The following HMMR variants were observed in gnomAD, a reference collection of about 807,000 sequenced individuals.
The protein encoded by HMMR is intracellular hyaluronic acid-binding protein.
A neutral mutation model predicts 101.0 loss-of-function variants in HMMR; 108 were observed. The ratio of observed to expected loss-of-function variants is 1.07; its 90% CI spans 0.92 to 1.25. The LOEUF (loss-of-function observed/expected upper bound fraction) is 1.25, where lower values mean the gene tolerates loss of function less well. Ranked by LOEUF, HMMR falls within the 50% of genes most tolerant of loss-of-function variation. The pLI, the probability that HMMR is intolerant of heterozygous loss-of-function variation, is 0.00. For synonymous variants in HMMR, 296 were observed against 276.4 expected (o/e 1.07, Z -0.70); for missense variants, 813 against 788.7 (o/e 1.03, Z -0.37).
intron 2 of HMMR, 145 bp from the exon 3 acceptor site, chr5:163,464,578 C>T: frequency 1.6e-6 from 1 of 608,058 alleles, no homozygotes; most frequent in Non-Finnish European, 2.9e-6. Flanking sequence ...GACACCACTG[C>T]AGTCCAGGCT....
At chr5:163,483,599 C>A (rs1283082111) in intron 15 of HMMR, among the ~76,000 whole-genome samples, 1 of 151,858 alleles carries the variant, frequency 6.6e-6, no homozygotes, top group African/African-American at 2.4e-5. Flanking sequence ...TTTCAATGGA[C>A]CCTTTGTGGT....
chr5:163,475,776 G>T, intron 11 of HMMR, 104 bp downstream of exon 11: 1 of 484,310 alleles, frequency 2.1e-6, no homozygotes, highest in South Asian at 4.4e-5. Context: ...TGTTAGGTTG[G>T]AATTATTTTA....
At chr5:163,460,793 CT>C in intron 1 of HMMR, 55 bp downstream of exon 1, 1 of 1,510,580 alleles carries the variant, frequency 6.6e-7, no homozygotes, top group Non-Finnish European at 9.1e-7. Flanking sequence ...CCCTTTGCCT[CT>C]TTCAGCTCCC....
At chr5:163,480,322 G>A (rs1264445768) in intron 12 of HMMR, among the ~76,000 whole-genome samples, 2 of 152,050 alleles carry the variant, frequency 1.3e-5, no homozygotes, top group Non-Finnish European at 1.5e-5. Flanking sequence ...TGTCATCATA[G>A]TATATGCCGT....
Position 163,460,748 on chromosome 5 carries a change from G to T in HMMR, c.46+10G>T. 1 of 1,605,872 alleles carries T rather than the reference G, an allele frequency of 6.2e-7. No homozygotes were observed. The highest frequency in any genetic ancestry group is 1.3e-5 in the African/African-American group (1 of 74,874). ...TTCAATGACCCTTCTGGTGCGTAAG[G>T]GGGAAAGAGCTGGGGGACGGGAGAC... On this transcript the variant is annotated intron_variant, in intron 1 of 17. Transcript: ENST00000393915.
chr5:163,479,162 T>C (rs1235209734), intron 12 of HMMR, among the ~76,000 whole-genome samples: 29 of 152,210 alleles, frequency 1.9e-4, no homozygotes, highest in Non-Finnish European at 1.5e-5. Flanking sequence ...GTTATCATTT[T>C]CATAAAGAAT....
Position 163,473,242 on chromosome 5 carries a change from C to A in HMMR, c.714C>A (p.Ile238=), listed in dbSNP as rs373002206. ...AAACAGAAAAACTCTTGGAATACATCGAAGAAATTAGGTAATATGAGCAGT... is the reference window on the plus strand; with the variant it reads ...AAACAGAAAAACTCTTGGAATACATAGAAGAAATTAGGTAATATGAGCAGT... ...KSETEKLLEY[I]EEISCASDQV... Residue 238 remains isoleucine, a synonymous_variant, in exon 8 of 18, where the codon ATC becomes ATA. Transcript: ENST00000393915. 6.4e-6 allele frequency: 10 copies of A among 1,566,652 alleles called. No individual in the cohort carries two copies. Among genetic ancestry groups the A allele is most frequent in the Non-Finnish European group, 8.8e-6 (10 of 1,140,362 alleles).
chr5:163,470,360 A>T (rs117962269), intron 5 of HMMR, among the ~76,000 whole-genome samples: 5,756 of 152,202 alleles, frequency 0.038, 135 homozygotes, highest in Non-Finnish European at 0.05. Context: ...AGTGGCTCAC[A>T]CCTGTAATTC....
At chr5:163,470,185 A>C (rs1011883651) in intron 5 of HMMR, among the ~76,000 whole-genome samples, 2 of 152,032 alleles carry the variant, frequency 1.3e-5, no homozygotes, top group African/African-American at 2.4e-5. Flanking sequence ...AAAACAAAAC[A>C]AAACAACATA....
chr5:163,467,544 T>C (rs1206427858), intron 3 of HMMR, among the ~76,000 whole-genome samples, 157 bp from the exon 4 acceptor site: 2 of 152,238 alleles, frequency 1.3e-5, no homozygotes, highest in South Asian at 2.1e-4. Flanking sequence ...ATTTTATTTA[T>C]CAGATGAGTG....
At chr5:163,460,852 A>C (rs182600074) in intron 1 of HMMR, 114 bp downstream of exon 1, 2 of 837,386 alleles carry the variant, frequency 2.4e-6, no homozygotes, top group East Asian at 2.6e-5. Context: ...GCTGGGGCTC[A>C]TTCAGTTGAT....
At chr5:163,460,801 T>C in intron 1 of HMMR, 63 bp downstream of exon 1, 1 of 1,483,256 alleles carries the variant, frequency 6.7e-7, no homozygotes, top group East Asian at 2.4e-5. Flanking sequence ...CTCTTTCAGC[T>C]CCCTTCTTGG....
At chr5:163,463,401 G>A (rs1437541013) in intron 1 of HMMR, among the ~76,000 whole-genome samples, 1 of 152,174 alleles carries the variant, frequency 6.6e-6, no homozygotes, top group African/African-American at 2.4e-5. Flanking sequence ...TAGGTCTGAT[G>A]TATTGATATT....
rs1481560306 is a variant in HMMR at position 163,473,449 on chromosome 5, A to G, written c.796A>G (p.Asn266Asp). 2 of 1,609,132 alleles carry G rather than the reference A, an allele frequency of 1.2e-6. No homozygotes were observed. Among genetic ancestry groups the G allele is most frequent in the East Asian group, 2.2e-5 (1 of 44,684 alleles). ...GTTAGAAGAAAATTTGAAAGAGAAG[A>G]ATGATGAAATTTTAAGCCTTAAGCA... ...AQLEENLKEK[N>D]DEILSLKQSL... The change falls in exon 9 of 18, where the codon AAT becomes GAT. Residue 266 changes from asparagine (N) to aspartate (D), a missense_variant. Physicochemically the swap from Asn to Asp is conservative, Grantham distance 23. Transcript: ENST00000393915.
At chr5:163,470,680 A>G (rs1222152130) in intron 5 of HMMR, among the ~76,000 whole-genome samples, 2 of 152,168 alleles carry the variant, frequency 1.3e-5, no homozygotes, top group African/African-American at 2.4e-5. Context: ...AGCAAGTCAC[A>G]TTAAGGAAAA....
intron 12 of HMMR, among the ~76,000 whole-genome samples, chr5:163,480,315 C>A (rs1242019774): frequency 6.6e-6 from 1 of 152,124 alleles, no homozygotes; most frequent in Non-Finnish European, 1.5e-5. Context: ...CAAAAAATGT[C>A]ATCATAGTAT....
intron 10 of HMMR, 140 bp from the exon 11 acceptor site, chr5:163,475,318 C>T (rs1232917014): frequency 1.5e-5 from 7 of 477,686 alleles, no homozygotes; most frequent in Non-Finnish European, 2.6e-5. Context: ...AACAAATATG[C>T]TATTTCTATA....
chr5:163,484,088 A>G lies in HMMR; in HGVS notation c.1805A>G (p.Glu602Gly). The G allele has an allele frequency of 6.3e-7, 1 of 1,594,048 alleles. No homozygotes were observed. Among genetic ancestry groups the G allele is most frequent in the Non-Finnish European group, 8.5e-7 (1 of 1,171,380 alleles). Residue 602 changes from glutamate to glycine, a missense_variant, in exon 16 of 18, where the codon GAA becomes GGA. Coordinates refer to ENST00000393915, the MANE Select transcript of HMMR (RefSeq NM_001142556.2). ...KPFQLQLDAFEVEKQALLNEH... is the reference protein window; with the variant it reads ...KPFQLQLDAFGVEKQALLNEH... ...TTTCAGCTACAACTAGATGCTTTTG[A>G]AGTAGAAAAACAGGCATTGTTGAAT...
chr5:163,470,953 C>T (rs1758866769), intron 5 of HMMR, among the ~76,000 whole-genome samples: 1 of 152,066 alleles, frequency 6.6e-6, no homozygotes, highest in African/African-American at 2.4e-5. Context: ...ATGATCATGC[C>T]ACTCCACTCT....
Sources: allele counts gnomAD v4.1 joint callset (sites outside exome capture counted in the v4.1 genomes callset), GRCh38; gene constraint gnomAD v4.1.1; transcripts MANE v1.5; gene names NCBI Gene and HGNC (gene_info 2026-07-23, HGNC 2026-07-21).